Variants in DOLPP1 observed in about 807,000 individuals in gnomAD.
DOLPP1 encodes the protein dolichyl pyrophosphate phosphatase 1.
A neutral mutation model predicts 34.1 loss-of-function variants in DOLPP1; 15 were observed. The observed-to-expected ratio is 0.44, with a 90% CI of 0.29 to 0.68. DOLPP1 has a LOEUF of 0.68. Among genes scored for constraint, DOLPP1 ranks in the 30% least tolerant of loss-of-function variants. The pLI is 0.12. For missense variants in DOLPP1, 249 were observed against 307.1 expected, an observed-to-expected ratio of 0.81 and a Z score of 1.41; for synonymous variants, 130 against 128.2, an observed-to-expected ratio of 1.01 and a Z score of -0.10.
Position 129,085,588 on chromosome 9 carries a change from G to A in DOLPP1, c.433G>A (p.Ala145Thr), listed in dbSNP as rs370550987. ...GCACGTGCTCTCCCTGGGACTCCTC[G>A]CTGTGGCCTTCCTAGTCTCCTACAG... ...WRHVLSLGLL[A>T]VAFLVSYSRV... The change falls in exon 5 of 8, where the codon GCT becomes ACT. Residue 145 changes from alanine to threonine, a missense_variant. Coordinates refer to ENST00000372546, the MANE Select transcript of DOLPP1 (RefSeq NM_020438.5). The surrounding 1 kb of genome is among the most constrained non-coding windows in gnomAD (Gnocchi z 7.0). 3.7e-5 allele frequency: 60 copies of A among 1,613,178 alleles called. No individual in the cohort carries two copies. Among genetic ancestry groups the A allele is most frequent in the Non-Finnish European group, 4.2e-5 (49 of 1,179,834 alleles).
rs1229940186 is a variant in DOLPP1 at position 129,086,245 on chromosome 9, C to T, written c.568C>T (p.Leu190=). 1.9e-6 allele frequency: 3 copies of T among 1,613,458 alleles called. No individual in the cohort carries two copies. Among genetic ancestry groups the T allele is most frequent in the Non-Finnish European group, 1.7e-6 (2 of 1,179,946 alleles). ...FIFTQEVLTP[L]FPRIAAWPVS... ...CTTCACCCAGGAGGTCCTCACCCCG[C>T]TGTTCCCCAGGATAGCAGCCTGGTA... Residue 190 remains leucine (L), a synonymous_variant, in exon 6 of 8, where the codon CTG becomes TTG. Coordinates refer to ENST00000372546, the MANE Select transcript of DOLPP1 (RefSeq NM_020438.5).
At chr9:129,084,480 A>G in intron 1 of DOLPP1, 188 bp from the exon 2 acceptor site, 1 of 680,464 alleles carries the variant, frequency 1.5e-6, no homozygotes, top group Non-Finnish European at 2.7e-6. Context: ...TAAGTAGTAG[A>G]CAGCATCACG....
Position 129,089,168 on chromosome 9 carries a change from C to T in DOLPP1, c.*161C>T. ...TTTAATTTTAATGAACAAGGTGGAC[C>T]AAAGGGCTGAACCAGCCCCTCAACC... On this transcript the variant is annotated 3_prime_UTR_variant, in exon 8 of 8. Coordinates refer to ENST00000372546, the MANE Select transcript of DOLPP1 (RefSeq NM_020438.5). This position sits in a 1 kb window ranked among gnomAD's most constrained non-coding sequence, Gnocchi z 4.9. 1 of 676,498 alleles carries T rather than the reference C, an allele frequency of 1.5e-6. No individual in the cohort carries two copies. The highest frequency in any genetic ancestry group is 2.4e-6 in the Non-Finnish European group (1 of 413,594). 41.9% of individuals were successfully genotyped at this position (676,498 alleles called of 1,614,324 possible). A position where few individuals can be genotyped will look rare whatever the true frequency, so the allele number is the denominator to read the frequency against.
In DOLPP1 at chr9:129,089,821, T is replaced by G. The variant is rs1847063554; in HGVS notation, c.*814T>G. The G allele has an allele frequency of 6.6e-6, 1 of 152,592 alleles. No homozygotes were observed. The highest frequency in any genetic ancestry group is 2.1e-4 in the South Asian group (1 of 4,832). 9.5% of individuals were successfully genotyped at this position (152,592 alleles called of 1,614,324 possible). A position where few individuals can be genotyped will look rare whatever the true frequency, so the allele number is the denominator to read the frequency against. On this transcript the variant is annotated 3_prime_UTR_variant, in exon 8 of 8. Coordinates refer to ENST00000372546, the MANE Select transcript of DOLPP1 (RefSeq NM_020438.5). The surrounding 1 kb of genome is among the most constrained non-coding windows in gnomAD (Gnocchi z 4.9). Reference sequence around the variant, plus strand: ...TCCTGCCATCCAGTAGCAGTTAGTCTTCATCCCCACGTGAACAAAATGGGA... The same window carrying G: ...TCCTGCCATCCAGTAGCAGTTAGTCGTCATCCCCACGTGAACAAAATGGGA...
chr9:129,084,765 C>T lies in DOLPP1; in HGVS notation c.174C>T (p.His58=), dbSNP rs1176121734. Residue 58 remains histidine (H), a synonymous_variant, in exon 2 of 8, where the codon CAC becomes CAT. Transcript: ENST00000372546. ...TCATCATATTTAAGCGGGAGCTGCA[C>T]ACGGTGAGTCTGTCTTGCCCACACC... ...VTLIIFKREL[H]TISFLGGLAL... 1 of 1,608,428 alleles carries T rather than the reference C, an allele frequency of 6.2e-7. No individual in the cohort carries two copies. The highest frequency in any genetic ancestry group is 1.3e-5 in the African/African-American group (1 of 74,792).
rs1284846877 is a variant in DOLPP1, at chr9:129,084,708, C to T, written c.117C>T (p.Ser39=). The T allele has an allele frequency of 2.5e-6, 4 of 1,613,970 alleles. No homozygotes were observed. The highest frequency in any genetic ancestry group is 4.5e-5 in the East Asian group (2 of 44,888). Residue 39 remains serine (S), a synonymous_variant, in exon 2 of 8, where the codon AGC becomes AGT. Coordinates refer to ENST00000372546, the MANE Select transcript of DOLPP1 (RefSeq NM_020438.5). ...SGHLLAYLSL[S]PVFVIVGFVT... ...ACCTCCTTGCCTACCTGAGCCTCAGCCCTGTATTTGTCATCGTCGGTTTCG... is the reference window on the plus strand; with the variant it reads ...ACCTCCTTGCCTACCTGAGCCTCAGTCCTGTATTTGTCATCGTCGGTTTCG...
At chr9:129,081,847 G>A (rs979990377) in intron 1 of DOLPP1, among the ~76,000 whole-genome samples, 5 of 152,218 alleles carry the variant, frequency 3.3e-5, no homozygotes, top group African/African-American at 4.8e-5. Flanking sequence ...GCGGCGTTCT[G>A]GAGGCTGTCT....
intron 2 of DOLPP1, 48 bp downstream of exon 2, chr9:129,084,816 C>T: frequency 6.9e-7 from 1 of 1,443,126 alleles, no homozygotes; most frequent in South Asian, 1.2e-5. Flanking sequence ...CCAGTGCCCC[C>T]ACCCTGCTTT....
intron 7 of DOLPP1, 67 bp downstream of exon 7, chr9:129,086,865 G>GCA: frequency 1.4e-6 from 2 of 1,427,446 alleles, no homozygotes; most frequent in Non-Finnish European, 2.0e-6. Context: ...ATGTTTGGAG[G>GCA]GCTCTCCGGG....
At chr9:129,087,873 C>A (rs181902950) in intron 7 of DOLPP1, among the ~76,000 whole-genome samples, 2 of 151,716 alleles carry the variant, frequency 1.3e-5, no homozygotes, top group African/African-American at 2.4e-5. Flanking sequence ...GCTGGCCCCG[C>A]TGATCTCTCA....
At chr9:129,084,498 G>C (rs1015219528) in intron 1 of DOLPP1, 170 bp from the exon 2 acceptor site, 6 of 700,844 alleles carry the variant, frequency 8.6e-6, no homozygotes, top group Non-Finnish European at 1.3e-5. Flanking sequence ...ACGTATGGCT[G>C]TGACTGAGTT....
chr9:129,085,735 A>G lies in DOLPP1; in HGVS notation c.461+119A>G. 2.6e-6 allele frequency: 2 copies of G among 772,834 alleles called. No individual in the cohort carries two copies. Among genetic ancestry groups the G allele is most frequent in the Non-Finnish European group, 4.1e-6 (2 of 490,970 alleles). 47.9% of individuals were successfully genotyped at this position (772,834 alleles called of 1,614,324 possible). On this transcript the variant is annotated intron_variant, in intron 5 of 7. Coordinates refer to ENST00000372546, the MANE Select transcript of DOLPP1 (RefSeq NM_020438.5). The surrounding 1 kb of genome is among the most constrained non-coding windows in gnomAD (Gnocchi z 7.0). The stretch of plus-strand genomic sequence containing the variant: ...CAGAACCTGTAGTGCAGGACTGGAA[A>G]AGGGGTCCCAGACCTCTAGTTTTAA...
intron 6 of DOLPP1, 31 bp from the exon 7 acceptor site, chr9:129,086,678 G>C: frequency 6.3e-7 from 1 of 1,599,134 alleles, no homozygotes; most frequent in Non-Finnish European, 8.6e-7. Context: ...GCCCTGATGT[G>C]CCCCTGGCTC....
chr9:129,081,534 C>G (rs760952154), intron 1 of DOLPP1, among the ~76,000 whole-genome samples: 1 of 152,220 alleles, frequency 6.6e-6, no homozygotes, highest in Non-Finnish European at 1.5e-5. Flanking sequence ...GACCTTGGCC[C>G]TTCTTCCCCG....
chr9:129,087,065 GCAGCCCAGAACCAGAGA>G (rs1847003605), intron 7 of DOLPP1, among the ~76,000 whole-genome samples: 1 of 152,214 alleles, frequency 6.6e-6, no homozygotes, highest in Non-Finnish European at 1.5e-5. Flanking sequence ...TTTAACCTCT[GCAGCCCAGAACCAGAGA>G]GCTGGGCAGC....
chr9:129,086,359 G>T, intron 6 of DOLPP1, 92 bp downstream of exon 6: 2 of 1,481,852 alleles, frequency 1.3e-6, no homozygotes, highest in South Asian at 2.5e-5. Flanking sequence ...CTTGACCCCA[G>T]CCCCTGTCTC....
chr9:129,086,673 G>C, intron 6 of DOLPP1, 36 bp from the exon 7 acceptor site: 3 of 1,593,746 alleles, frequency 1.9e-6, no homozygotes, highest in East Asian at 2.2e-5. Flanking sequence ...CTCATGCCCT[G>C]ATGTGCCCCT....
At position 129,081,182 on chromosome 9, in the gene DOLPP1, C is replaced by A; in HGVS notation, c.51C>A (p.Thr17=). Reference sequence around the variant, plus strand: ...TCCCCGCTTCATGGCGGCCGGTGACCCTCACCCACGTCGAATATCCTGCAG... The same window carrying A: ...TCCCCGCTTCATGGCGGCCGGTGACACTCACCCACGTCGAATATCCTGCAG... ...CSLPASWRPV[T]LTHVEYPAGD... The change falls in exon 1 of 8, where the codon ACC becomes ACA. Residue 17 remains threonine (T), a synonymous_variant. Transcript: ENST00000372546. The A allele has an allele frequency of 6.2e-7, 1 of 1,610,282 alleles. No homozygotes were observed. The highest frequency in any genetic ancestry group is 1.1e-5 in the South Asian group (1 of 91,058).
chr9:129,084,832 GC>G, intron 2 of DOLPP1, 64 bp downstream of exon 2: 9 of 1,064,114 alleles, frequency 8.5e-6, no homozygotes, highest in Non-Finnish European at 1.2e-5. Flanking sequence ...GCTTTGGGAA[GC>G]CCGTCCGCCC....
Sources: allele counts gnomAD v4.1 joint callset (sites outside exome capture counted in the v4.1 genomes callset), GRCh38; gene constraint gnomAD v4.1.1; non-coding constraint Gnocchi (gnomAD v3.1); transcripts MANE v1.5; gene names NCBI Gene and HGNC (gene_info 2026-07-23, HGNC 2026-07-21).